Variants in SLC9A8 observed in about 807,000 individuals in gnomAD.
The protein encoded by SLC9A8 is sodium/hydrogen exchanger 8.
Under a neutral mutation model 66.6 loss-of-function variants are expected in SLC9A8, and 48 were observed. The observed-to-expected ratio is 0.72, with a 90% CI of 0.57 to 0.92. The LOEUF is 0.92. Ranked by LOEUF, SLC9A8 falls within the 40% of genes least tolerant of loss-of-function variation. The pLI, the probability that SLC9A8 is intolerant of heterozygous loss-of-function variation, is 0.00. For missense variants in SLC9A8, 599 were observed against 747.3 expected (o/e 0.80, Z 2.31); for synonymous variants, 274 against 282.6 (o/e 0.97, Z 0.31).
At chr20:49,862,788 A>G (rs886275916) in intron 8 of SLC9A8, 141 bp from the exon 9 acceptor site, 18 of 750,138 alleles carry the variant, frequency 2.4e-5, no homozygotes, top group South Asian at 3.8e-5. Flanking sequence ...TAGGTGAACA[A>G]TAAACGTTTG....
rs548822531 is a variant in SLC9A8, at chr20:49,816,489, T to C, written c.208+1300T>C. 2.0e-4 allele frequency among the ~76,000 whole-genome samples: 30 copies of C among 152,144 alleles called. 2 individuals are homozygous for C. In the South Asian group the frequency reaches 5.6e-3, roughly 28 times the overall value. On this transcript the variant is annotated intron_variant, in intron 2 of 15. Coordinates refer to ENST00000361573, the MANE Select transcript of SLC9A8 (RefSeq NM_015266.3). The stretch of plus-strand genomic sequence containing the variant: ...CTTCTCTTTTAGTGTGTGAGGAAAT[T>C]TCAGCATAGAGAAGTCAGGTGGTTG...
chr20:49,881,145 C>T (rs1205094026), intron 13 of SLC9A8, 110 bp downstream of exon 13: 5 of 741,426 alleles, frequency 6.7e-6, no homozygotes, highest in Non-Finnish European at 1.2e-5. Context: ...CACAAGTAAT[C>T]AATACTCCCG....
chr20:49,855,588 A>G lies in SLC9A8; in HGVS notation c.713+7A>G. On this transcript the variant is annotated splice_region_variant and intron_variant, in intron 8 of 15. Transcript: ENST00000361573. ...TCTCCATTGTTCTGACCAAGTAAGT[A>G]CGGGGGCAGAGAACAGACTTTTTTC... The G allele has an allele frequency of 1.2e-6, 2 of 1,613,346 alleles. No individual in the cohort carries two copies. Among genetic ancestry groups the G allele is most frequent in the Non-Finnish European group, 1.7e-6 (2 of 1,179,662 alleles).
intron 5 of SLC9A8, among the ~76,000 whole-genome samples, chr20:49,846,748 T>C (rs1264635874): frequency 6.6e-6 from 1 of 151,988 alleles, no homozygotes; most frequent in Non-Finnish European, 1.5e-5. Flanking sequence ...ACCCCATCTC[T>C]ACTAAACATA....
At chr20:49,839,476 T>C in intron 3 of SLC9A8, 65 bp from the exon 4 acceptor site, 1 of 1,133,940 alleles carries the variant, frequency 8.8e-7, no homozygotes, top group Non-Finnish European at 1.3e-6. Flanking sequence ...CTGTGTCATG[T>C]CTTAAATTTG....
chr20:49,847,921 T>TTG (rs1286781786), intron 5 of SLC9A8, among the ~76,000 whole-genome samples: 3 of 149,688 alleles, frequency 2.0e-5, no homozygotes, highest in Non-Finnish European at 4.4e-5. Flanking sequence ...TTTTTTTTTT[T>TTG]TTTTTGAGAT....
chr20:49,883,000 C>T (rs1387463076), intron 13 of SLC9A8, among the ~76,000 whole-genome samples: 2 of 137,898 alleles, frequency 1.5e-5, no homozygotes, highest in African/African-American at 2.6e-5. Flanking sequence ...TGCACCATGC[C>T]CCCCCCCACC....
chr20:49,884,325 CACACACACACACCCCCCG>C (rs1199732847), intron 14 of SLC9A8, among the ~76,000 whole-genome samples: 6 of 146,698 alleles, frequency 4.1e-5, no homozygotes, highest in African/African-American at 1.3e-4. Context: ...CACACACACA[CACACACACACACCCCCCG>C]GTCATCCCCC....
chr20:49,832,994 C>T (rs1360349746), intron 3 of SLC9A8, among the ~76,000 whole-genome samples: 1 of 152,104 alleles, frequency 6.6e-6, no homozygotes, highest in Non-Finnish European at 1.5e-5. Context: ...CAACCTTCCC[C>T]TCCCGGGTCC....
At chr20:49,843,871 G>T (rs1053230381) in intron 4 of SLC9A8, among the ~76,000 whole-genome samples, 2 of 152,098 alleles carry the variant, frequency 1.3e-5, no homozygotes, top group African/African-American at 4.8e-5. Flanking sequence ...TGATGCCCTT[G>T]CTGGGGGAGG....
rs1481921994 is a variant in SLC9A8, at chr20:49,881,120, C to T, written c.1270+85C>T. 58 of 975,014 alleles carry T rather than the reference C, an allele frequency of 5.9e-5. 1 individual carries two copies. In the South Asian group the frequency reaches 6.0e-4, roughly 10 times the overall value. The allele number at this position is 975,014 out of a possible 1,614,324, so 60.4% of individuals were successfully genotyped here. Reference sequence around the variant, plus strand: ...AGGGAGAGCTGTGGTTCTCTGCTAGCGCCCTTGGCAAAACCACAAGTAATC... The same window carrying T: ...AGGGAGAGCTGTGGTTCTCTGCTAGTGCCCTTGGCAAAACCACAAGTAATC... On this transcript the variant is annotated intron_variant, in intron 13 of 15. Transcript: ENST00000361573.
At chr20:49,816,730 ATTCT>A (rs1008508380) in intron 2 of SLC9A8, among the ~76,000 whole-genome samples, 4 of 151,790 alleles carry the variant, frequency 2.6e-5, no homozygotes, top group African/African-American at 9.7e-5. Context: ...CCAAGTTCAA[ATTCT>A]TTTTTTTTTC....
At chr20:49,840,554 G>A (rs1881717445) in intron 4 of SLC9A8, among the ~76,000 whole-genome samples, 2 of 152,104 alleles carry the variant, frequency 1.3e-5, no homozygotes, top group South Asian at 2.1e-4. Context: ...ATTTGAAGCT[G>A]TTATAAATAG....
chr20:49,875,288 A>G (rs557369892), intron 11 of SLC9A8, among the ~76,000 whole-genome samples: 7 of 151,990 alleles, frequency 4.6e-5, no homozygotes, highest in South Asian at 4.1e-4. Flanking sequence ...AAAAAAAAAA[A>G]AAAGAAAGAA....
intron 3 of SLC9A8, among the ~76,000 whole-genome samples, chr20:49,835,263 C>T (rs541630981): frequency 6.6e-6 from 1 of 151,174 alleles, no homozygotes; most frequent in African/African-American, 2.4e-5. Flanking sequence ...CAAGCATGTT[C>T]AATGCAGCAC....
At chr20:49,887,717 CT>C in intron 15 of SLC9A8, 111 bp from the exon 16 acceptor site, 1 of 756,558 alleles carries the variant, frequency 1.3e-6, no homozygotes, top group Non-Finnish European at 2.2e-6. Context: ...GGCCATCACC[CT>C]GCCTCCCACC....
rs753398821 is a variant in SLC9A8, at chr20:49,889,853, G to A, written c.*1917G>A. ...AAGTTTAGGGTCCCATCTCCCAGAT[G>A]TAAGTTGTTTTGCAAACTCAGTTTG... On this transcript the variant is annotated 3_prime_UTR_variant, in exon 16 of 16. Coordinates refer to ENST00000361573, the MANE Select transcript of SLC9A8 (RefSeq NM_015266.3). The A allele has an allele frequency of 3.3e-5, 5 of 152,250 alleles. No individual in the cohort carries two copies. Among genetic ancestry groups the A allele is most frequent in the Non-Finnish European group, 4.4e-5 (3 of 68,050 alleles). 9.4% of individuals were successfully genotyped at this position (152,250 alleles called of 1,614,324 possible). A position where few individuals can be genotyped will look rare whatever the true frequency, so the allele number is the denominator to read the frequency against.
intron 8 of SLC9A8, among the ~76,000 whole-genome samples, chr20:49,858,904 G>T (rs902790725): frequency 6.6e-6 from 1 of 151,262 alleles, no homozygotes; most frequent in Non-Finnish European, 1.5e-5. Context: ...GTTGTAGTGA[G>T]CCGAGATCGC....
Position 49,831,381 on chromosome 20 carries a change from TACAC to T in SLC9A8, c.290-8154_290-8151del, listed in dbSNP as rs1402513684. 1.1e-4 allele frequency among the ~76,000 whole-genome samples: 16 copies of T among 150,616 alleles called. 1 individual carries two copies. In the South Asian group the frequency reaches 2.1e-3, roughly 20 times the overall value. ...GCACACACACGAGGAGGTGGCTGTG[TACAC>T]ACACAAACACACACACACTCTCTCT... On this transcript the variant is annotated intron_variant, in intron 3 of 15. Coordinates refer to ENST00000361573, the MANE Select transcript of SLC9A8 (RefSeq NM_015266.3).
Sources: allele counts gnomAD v4.1 joint callset (sites outside exome capture counted in the v4.1 genomes callset), GRCh38; gene constraint gnomAD v4.1.1; transcripts MANE v1.5; gene names NCBI Gene and HGNC (gene_info 2026-07-23, HGNC 2026-07-21).